The following OR9Q1 variants were observed in gnomAD, a reference collection of about 807,000 sequenced individuals.
OR9Q1 encodes the protein olfactory receptor family 9 subfamily Q member 1, also known as olfactory receptor 9Q1.
For missense variants in OR9Q1, 374 were observed against 378.8 expected, an observed-to-expected ratio of 0.99 and a Z score of 0.11; for synonymous variants, 153 against 148.6, an observed-to-expected ratio of 1.03 and a Z score of -0.22.
At chr11:58,097,623 A>G (rs1853744179) in intron 2 of OR9Q1, among the ~76,000 whole-genome samples, 1 of 152,230 alleles carries the variant, frequency 6.6e-6, no homozygotes, top group South Asian at 2.1e-4. Flanking sequence ...GACAAATAAG[A>G]TGGCGTCATA....
At chr11:58,095,797 G>A (rs772918525) in intron 2 of OR9Q1, among the ~76,000 whole-genome samples, 3 of 152,116 alleles carry the variant, frequency 2.0e-5, no homozygotes, top group Non-Finnish European at 4.4e-5. Flanking sequence ...AACCATATCA[G>A]TGCTCTCTTA....
chr11:58,088,015 G>A (rs1448002345), intron 2 of OR9Q1, among the ~76,000 whole-genome samples: 5 of 151,948 alleles, frequency 3.3e-5, no homozygotes, highest in African/African-American at 9.7e-5. Flanking sequence ...AGCCTCCCGA[G>A]TATCTGGGAT....
chr11:58,095,523 GGCCTCGTA>G (rs1853722336), intron 2 of OR9Q1, among the ~76,000 whole-genome samples: 4 of 152,202 alleles, frequency 2.6e-5, no homozygotes, highest in Admixed American at 6.5e-5. Context: ...TGGCTGGGGA[GGCCTCGTA>G]AACTTATAAT....
chr11:58,173,357 A>G (rs1052758877), intron 2 of OR9Q1, among the ~76,000 whole-genome samples: 6 of 138,282 alleles, frequency 4.3e-5, no homozygotes, highest in Admixed American at 1.6e-4. Context: ...TCGTTGTTCA[A>G]TTCCCACCTA....
At chr11:58,173,711 G>A (rs1331291626) in intron 2 of OR9Q1, among the ~76,000 whole-genome samples, 1 of 152,058 alleles carries the variant, frequency 6.6e-6, no homozygotes, top group Non-Finnish European at 1.5e-5. Flanking sequence ...AGGTTGGGAG[G>A]GCATAGCAAC....
At chr11:58,081,793 C>CTTTTTTTTTTTTTT (rs201892501) in intron 2 of OR9Q1, among the ~76,000 whole-genome samples, 1 of 128,146 alleles carries the variant, frequency 7.8e-6, no homozygotes, top group African/African-American at 3.0e-5. Flanking sequence ...ATGATAGTTT[C>CTTTTTTTTTTTTTT]TTTTTTTTTT....
chr11:58,175,415 G>A (rs1458454583), intron 2 of OR9Q1, among the ~76,000 whole-genome samples: 4 of 151,972 alleles, frequency 2.6e-5, no homozygotes, highest in South Asian at 2.1e-4. Flanking sequence ...TCTTCTGTCC[G>A]AACTGACAAA....
At chr11:58,125,567 C>T (rs1323392372) in intron 2 of OR9Q1, 2 of 152,136 alleles carry the variant, frequency 1.3e-5, no homozygotes, top group Admixed American at 6.5e-5. Context: ...TTTCTTCTTA[C>T]TAAGCAAACC....
chr11:58,096,403 C>A (rs1022400677), intron 2 of OR9Q1, among the ~76,000 whole-genome samples: 1 of 152,202 alleles, frequency 6.6e-6, no homozygotes, highest in Non-Finnish European at 1.5e-5. Context: ...CCACAGACAA[C>A]CGCTATTCTG....
intron 2 of OR9Q1, among the ~76,000 whole-genome samples, chr11:58,091,536 C>T (rs1378577480): frequency 6.6e-6 from 1 of 152,126 alleles, no homozygotes; most frequent in Non-Finnish European, 1.5e-5. Flanking sequence ...TGCACTTTTG[C>T]ATTTACTGAG....
At chr11:58,114,051 ATCT>A (rs1853927499) in intron 2 of OR9Q1, among the ~76,000 whole-genome samples, 1 of 152,046 alleles carries the variant, frequency 6.6e-6, no homozygotes, top group African/African-American at 2.4e-5. Context: ...CAATCACCAA[ATCT>A]TCTTCTGGCC....
chr11:58,094,425 T>A lies in OR9Q1; in HGVS notation c.-15+38478T>A, dbSNP rs931465337. 3.3e-5 allele frequency among the ~76,000 whole-genome samples: 5 copies of A among 152,308 alleles called. No individual in the cohort carries two copies. In the South Asian group the frequency reaches 1.0e-3, roughly 32 times the overall value. ...ATAATGAAAATTACACATGTACCTT[T>A]TAAGTTTATATAATACCGCCCTCAA... is the stretch of plus-strand genomic sequence containing the variant. On this transcript the variant is annotated intron_variant, in intron 2 of 2. Transcript: ENST00000335397.
At chr11:58,073,230 C>T in intron 2 of OR9Q1, 1 of 226,312 alleles carries the variant, frequency 4.4e-6, no homozygotes. Flanking sequence ...CTCATTTTGA[C>T]AGTGTATGAC....
At chr11:58,164,071 CA>C (rs1268562860) in intron 2 of OR9Q1, among the ~76,000 whole-genome samples, 3 of 152,024 alleles carry the variant, frequency 2.0e-5, no homozygotes, top group African/African-American at 7.3e-5. Context: ...AGTGTTGGGG[CA>C]AAACAAACTA....
At chr11:58,118,511 G>A (rs1437287281) in intron 2 of OR9Q1, 1 of 1,595,974 alleles carries the variant, frequency 6.3e-7, no homozygotes, top group African/African-American at 1.4e-5. Flanking sequence ...TACATGCTCA[G>A]GGACACCTGG....
chr11:58,103,164 A>G (rs1316219335), intron 2 of OR9Q1, among the ~76,000 whole-genome samples: 2 of 152,114 alleles, frequency 1.3e-5, no homozygotes, highest in Non-Finnish European at 1.5e-5. Context: ...ACTTACAATC[A>G]TGGCAGAAAG....
At chr11:58,125,530 G>C (rs1854082744) in intron 2 of OR9Q1, 1 of 152,184 alleles carries the variant, frequency 6.6e-6, no homozygotes, top group Admixed American at 6.5e-5. Flanking sequence ...TGCTCAAATA[G>C]ACGTATGTAG....
intron 2 of OR9Q1, chr11:58,109,114 G>T (rs910098414): frequency 2.0e-6 from 1 of 501,212 alleles, no homozygotes. Context: ...CTTCAGCAGG[G>T]GTGGGAGGTC....
intron 1 of OR9Q1, among the ~76,000 whole-genome samples, chr11:58,029,173 A>G (rs1197181460): frequency 6.6e-6 from 1 of 152,232 alleles, no homozygotes; most frequent in Non-Finnish European, 1.5e-5. Context: ...GGCTGGTGTC[A>G]GCTTGGCCAG....
Sources: allele counts gnomAD v4.1 joint callset (sites outside exome capture counted in the v4.1 genomes callset), GRCh38; gene constraint gnomAD v4.1.1; transcripts MANE v1.5; gene names NCBI Gene and HGNC (gene_info 2026-07-23, HGNC 2026-07-21).